PCDHA3: variants seen among roughly 807,000 people sequenced by gnomAD.
PCDHA3 encodes protocadherin alpha 3, also known as protocadherin alpha-3.
A neutral mutation model predicts 62.2 loss-of-function variants in PCDHA3; 41 were observed. The observed-to-expected ratio is 0.66, with a 90% CI of 0.51 to 0.86. The LOEUF is 0.86. Among genes scored for constraint, PCDHA3 ranks in the 40% least tolerant of loss-of-function variants. PCDHA3 has a pLI of 0.00. For missense variants in PCDHA3, 1,304 were observed against 1,241.2 expected (o/e 1.05, Z -0.76); for synonymous variants, 640 against 555.4 (o/e 1.15, Z -2.14).
chr5:140,890,822 A>T (rs1044008204), intron 1 of PCDHA3, among the ~76,000 whole-genome samples: 8 of 152,186 alleles, frequency 5.3e-5, no homozygotes, highest in Non-Finnish European at 1.0e-4. Flanking sequence ...TTTTAAATGT[A>T]CTTACATATT....
chr5:140,954,824 C>T (rs1167171102), intron 1 of PCDHA3, among the ~76,000 whole-genome samples: 2 of 152,068 alleles, frequency 1.3e-5, no homozygotes, highest in Non-Finnish European at 2.9e-5. Flanking sequence ...GCTTTAGGCA[C>T]TTTTGTCATG....
At chr5:140,918,027 G>C (rs782291548) in intron 1 of PCDHA3, among the ~76,000 whole-genome samples, 2 of 152,108 alleles carry the variant, frequency 1.3e-5, no homozygotes, top group East Asian at 3.8e-4. Context: ...ACCCATGAGC[G>C]TGGAAGGTCT....
At position 140,894,452 on chromosome 5, in the gene PCDHA3, A is replaced by G. The variant is rs555452172; in HGVS notation, c.2395-84497A>G. On this transcript the variant is annotated intron_variant, in intron 1 of 3. Coordinates refer to ENST00000522353, the MANE Select transcript of PCDHA3 (RefSeq NM_018906.3). ...ATCCTACCTAGCTCTTTTTTAAAAA[A>G]TATTTTACTTTTTATTCTTGTTTTC... 3.9e-5 allele frequency among the ~76,000 whole-genome samples: 6 copies of G among 152,050 alleles called. No homozygotes were observed. In the East Asian group the frequency reaches 9.6e-4, roughly 24 times the overall value.
At chr5:140,843,906 T>C in intron 1 of PCDHA3, 1 of 648,462 alleles carries the variant, frequency 1.5e-6, no homozygotes, top group Non-Finnish European at 2.6e-6. Context: ...TCTCCACAAG[T>C]TGGGTCTATC....
intron 1 of PCDHA3, chr5:140,842,380 T>A (rs1777905222): frequency 6.2e-7 from 1 of 1,610,180 alleles, no homozygotes; most frequent in Non-Finnish European, 8.5e-7. Context: ...TAGCACTGAC[T>A]TCCTTATCCT....
chr5:140,895,874 C>T (rs1051774060), intron 1 of PCDHA3, among the ~76,000 whole-genome samples: 5 of 152,120 alleles, frequency 3.3e-5, no homozygotes, highest in Admixed American at 2.6e-4. Context: ...TGCAATGGCG[C>T]GATCTCGGCT....
intron 1 of PCDHA3, among the ~76,000 whole-genome samples, chr5:140,908,375 G>C (rs922545563): frequency 6.6e-6 from 1 of 152,174 alleles, no homozygotes; most frequent in Non-Finnish European, 1.5e-5. Context: ...TTCAGGACCT[G>C]CTCGAGCCCG....
intron 1 of PCDHA3, chr5:140,823,032 C>T: frequency 1.2e-6 from 2 of 1,614,230 alleles, no homozygotes; most frequent in Non-Finnish European, 1.7e-6. Flanking sequence ...GCGTGTCGGT[C>T]TATGAGCTGG....
In PCDHA3 at chr5:140,951,072, T is replaced by G. The variant is rs551891980; in HGVS notation, c.2395-27877T>G. Among the ~76,000 whole-genome samples the G allele has an allele frequency of 1.1e-4, 16 of 152,184 alleles. No individual in the cohort carries two copies. The South Asian group carries it at 3.1e-3, about 30-fold the overall frequency. ...ATTGCTAAAATTTCCATTGGCTTTCTTATATTTTCCTTTTTTTCTGATAAG... is the reference window on the plus strand; with the variant it reads ...ATTGCTAAAATTTCCATTGGCTTTCGTATATTTTCCTTTTTTTCTGATAAG... On this transcript the variant is annotated intron_variant, in intron 1 of 3. Transcript: ENST00000522353.
intron 1 of PCDHA3, chr5:140,967,740 A>T (rs2096177949): frequency 6.2e-6 from 10 of 1,614,052 alleles, no homozygotes; most frequent in Non-Finnish European, 8.5e-6. Flanking sequence ...GGGCTGGATT[A>T]TGAGGAAGCC....
chr5:140,871,344 G>A (rs533115257), intron 1 of PCDHA3: 1 of 1,614,200 alleles, frequency 6.2e-7, no homozygotes, highest in African/African-American at 1.3e-5. Flanking sequence ...TGGGGAGCTG[G>A]TCATACTCGC....
rs1259591783 is a variant in PCDHA3, at chr5:141,009,842, G to C, written c.2758G>C (p.Glu920Gln). 1.2e-6 allele frequency: 2 copies of C among 1,613,960 alleles called. No individual in the cohort carries two copies. The highest frequency in any genetic ancestry group is 1.7e-6 in the Non-Finnish European group (2 of 1,180,014). ...TGACTTCATAACCTTCGGCAAAAAG[G>C]AGGAGACCAAGAAAAAGAAGAAAAA... ...KSDFITFGKKEETKKKKKKKK... is the reference protein window; with the variant it reads ...KSDFITFGKKQETKKKKKKKK... The change falls in exon 4 of 4, where the codon GAG becomes CAG. Residue 920 changes from glutamate (E) to glutamine (Q), a missense_variant. Coordinates refer to ENST00000522353, the MANE Select transcript of PCDHA3 (RefSeq NM_018906.3).
chr5:140,828,240 A>C (rs2150152921), intron 1 of PCDHA3: 1 of 1,613,948 alleles, frequency 6.2e-7, no homozygotes, highest in South Asian at 1.1e-5. Flanking sequence ...CGGATCGCGC[A>C]GGACCTGGGG....
At chr5:140,926,441 A>T (rs1476576189) in intron 1 of PCDHA3, 1 of 154,800 alleles carries the variant, frequency 6.5e-6, no homozygotes, top group Non-Finnish European at 1.4e-5. Context: ...AGATCTGGGC[A>T]GCCTCAGGGC....
chr5:140,928,428 C>T (rs1273911750), intron 1 of PCDHA3: 2 of 1,614,026 alleles, frequency 1.2e-6, no homozygotes, highest in Non-Finnish European at 8.5e-7. Flanking sequence ...CCAAAACTTC[C>T]TTTGACTTTG....
At chr5:140,839,380 TATG>T (rs2150297142) in intron 1 of PCDHA3, among the ~76,000 whole-genome samples, 147,881 of 151,388 alleles carry the variant, frequency 0.98, 72,191 homozygotes, top group East Asian at 1. Flanking sequence ...CATCAATTAT[TATG>T]ATGATGATGA....
chr5:140,824,309 A>G (rs1768082430), intron 1 of PCDHA3: 3 of 776,146 alleles, frequency 3.9e-6, no homozygotes, highest in African/African-American at 3.5e-5. Flanking sequence ...GGGGTAATAG[A>G]TTCATCAGCT....
intron 1 of PCDHA3, chr5:140,877,407 C>A: frequency 6.2e-7 from 1 of 1,613,942 alleles, no homozygotes; most frequent in Non-Finnish European, 8.5e-7. Flanking sequence ...CTCCGCGCCA[C>A]CGCCTGCTGG....
chr5:140,849,800 G>A, intron 1 of PCDHA3: 1 of 1,598,514 alleles, frequency 6.3e-7, no homozygotes, highest in African/African-American at 1.3e-5. Context: ...CGCCTTCACT[G>A]TGGGCCACGG....
Sources: gnomAD v4.1 joint callset for allele counts (sites outside exome capture counted in the v4.1 genomes callset) on GRCh38, gnomAD v4.1.1 for gene constraint, MANE v1.5 for transcripts, NCBI Gene and HGNC (gene_info 2026-07-23, HGNC 2026-07-21) for gene names.